Variants in TCF7 observed in about 807,000 individuals in gnomAD.
TCF7 encodes the protein transcription factor 7.
Under a neutral mutation model 46.8 loss-of-function variants are expected in TCF7, and 19 were observed. The observed-to-expected ratio is 0.41, with a 90% CI of 0.28 to 0.60. TCF7 has a LOEUF of 0.60. Among genes scored for constraint, TCF7 ranks in the 20% least tolerant of loss-of-function variants. The pLI is 0.35. For synonymous variants in TCF7, 245 were observed against 213.4 expected, an observed-to-expected ratio of 1.15 and a Z score of -1.29; for missense variants, 547 against 504.6, an observed-to-expected ratio of 1.08 and a Z score of -0.81.
chr5:134,132,333 C>T (rs1758238441), intron 3 of TCF7, among the ~76,000 whole-genome samples: 1 of 152,208 alleles, frequency 6.6e-6, no homozygotes, highest in South Asian at 2.1e-4. Flanking sequence ...TTCTCTAGGC[C>T]TGAAGCATTT....
At chr5:134,143,918 C>T in intron 9 of TCF7, 1 of 426,130 alleles carries the variant, frequency 2.3e-6, no homozygotes. Flanking sequence ...CCTTTGCTAG[C>T]TCCACTCACC....
intron 3 of TCF7, among the ~76,000 whole-genome samples, chr5:134,118,830 G>A (rs372066862): frequency 3.6e-4 from 55 of 152,216 alleles, no homozygotes; most frequent in African/African-American, 1.2e-3. Context: ...TGCCCAGGCT[G>A]GAGTGCAGTG....
At chr5:134,139,929 C>T (rs962748294) in intron 5 of TCF7, 2 of 152,190 alleles carry the variant, frequency 1.3e-5, no homozygotes, top group Non-Finnish European at 2.9e-5. Context: ...AGGATCAAAG[C>T]GTGGCAAGAT....
chr5:134,115,283 T>G (rs1561644611), intron 1 of TCF7, 38 bp from the exon 2 acceptor site: 1 of 1,505,844 alleles, frequency 6.6e-7, no homozygotes. Context: ...ACCCCCGCGG[T>G]CCCACCGCCC....
At chr5:134,138,681 A>G (rs1759272844) in intron 4 of TCF7, 2 of 435,266 alleles carry the variant, frequency 4.6e-6, no homozygotes, top group South Asian at 7.8e-5. Flanking sequence ...AGATGCCCCA[A>G]TGCCTCCATG....
In TCF7 at chr5:134,138,969, C is replaced by A; in HGVS notation, c.566C>A (p.Thr189Asn). ...SQKQVHRPLQ[T>N]PDLSGFYSLT... ...TCTGCAGTTCACAGGCCTCTGCAGACCCCTGACCTCTCTGGCTTCTACTCC... is the reference window on the plus strand; with the variant it reads ...TCTGCAGTTCACAGGCCTCTGCAGAACCCTGACCTCTCTGGCTTCTACTCC... Residue 189 changes from threonine (T) to asparagine (N), a missense_variant, in exon 5 of 10, where the codon ACC becomes AAC. Coordinates refer to ENST00000342854, the MANE Select transcript of TCF7 (RefSeq NM_003202.5). The A allele has an allele frequency of 6.2e-7, 1 of 1,613,948 alleles. No individual in the cohort carries two copies.
rs1241622224 is a variant in TCF7, at chr5:134,116,019, C to T, written c.427C>T (p.Pro143Ser). 2.5e-6 allele frequency: 4 copies of T among 1,612,470 alleles called. No homozygotes were observed. The highest frequency in any genetic ancestry group is 3.4e-6 in the Non-Finnish European group (4 of 1,179,504). Residue 143 changes from proline to serine, a missense_variant, in exon 3 of 10, where the codon CCG becomes TCG. By Grantham distance (74) the Pro-to-Ser change is moderately conservative (BLOSUM62 -1). Transcript: ENST00000342854. ...PPSGAGQHPQ[P>S]QPPLHKANQP... ...CTCGGGAGCAGGGCAGCACCCCCAG[C>T]CGCAGCCCCCGCTGGTAAGTGGACC...
chr5:134,129,539 C>T (rs1757815666), intron 3 of TCF7, among the ~76,000 whole-genome samples: 1 of 152,136 alleles, frequency 6.6e-6, no homozygotes, highest in Non-Finnish European at 1.5e-5. Context: ...GTAGCATCAA[C>T]TAGCAGCTCA....
rs770887816 is a variant in TCF7 at position 134,138,098 on chromosome 5, T to C, written c.481T>C (p.Ser161Pro). 6.2e-7 allele frequency: 1 copy of C among 1,610,638 alleles called. No homozygotes were observed. Among genetic ancestry groups the C allele is most frequent in the Non-Finnish European group, 8.5e-7 (1 of 1,178,578 alleles). The change falls in exon 4 of 10, where the codon TCT becomes CCT. Residue 161 changes from serine to proline, a missense_variant. This residue lies in a region of TCF7 where 425 missense variants were observed against 349.9 expected (regional missense o/e 1.21). Transcript: ENST00000342854. ...NQPPHGVPQL[S>P]LYEHFNSPHP... ...GCCCCCCCACGGTGTCCCCCAACTC[T>C]CTCTCTACGAACATTTCAACAGCCC...
At position 134,148,154 on chromosome 5, in the gene TCF7, T is replaced by TA. The variant is rs1033843452; in HGVS notation, c.*1853dup. On this transcript the variant is annotated 3_prime_UTR_variant, in exon 10 of 10. Coordinates refer to ENST00000342854, the MANE Select transcript of TCF7 (RefSeq NM_003202.5). ...AGTGTTCAAAATATTTTTGTATTGT[T>TA]AATGCATCATCATAGAAAAACTTTT... 2 of 152,630 alleles carry TA rather than the reference T, an allele frequency of 1.3e-5. No individual in the cohort carries two copies. The highest frequency in any genetic ancestry group is 2.9e-5 in the Non-Finnish European group (2 of 68,026). 9.5% of individuals were successfully genotyped at this position (152,630 alleles called of 1,614,324 possible).
chr5:134,111,484 G>T (rs1038644873), upstream of TCF7, among the ~76,000 whole-genome samples: 2 of 152,148 alleles, frequency 1.3e-5, no homozygotes, highest in African/African-American at 4.8e-5. Context: ...TCTATCATCT[G>T]TGTATGTGAT....
At chr5:134,120,342 G>A (rs905853001) in intron 3 of TCF7, among the ~76,000 whole-genome samples, 3 of 152,084 alleles carry the variant, frequency 2.0e-5, no homozygotes, top group African/African-American at 7.2e-5. Flanking sequence ...GCAGCCACAG[G>A]GGGCCTTTAA....
In TCF7 at chr5:134,142,174, C is replaced by T. The variant is rs1257049825; in HGVS notation, c.636-11C>T. ...TTCTTGGCTCAGTGTTAACTTTCTT[C>T]CTGCCTCCAGGTTCACCCACCCATC... On this transcript the variant is annotated splice_polypyrimidine_tract_variant and intron_variant, in intron 5 of 9. Transcript: ENST00000342854. 5 of 1,613,858 alleles carry T rather than the reference C, an allele frequency of 3.1e-6. No homozygotes were observed. The African/African-American group carries it at 4.0e-5, about 13-fold the overall frequency.
upstream of TCF7, among the ~76,000 whole-genome samples, chr5:134,112,988 T>G (rs945417202): frequency 6.6e-6 from 1 of 152,144 alleles, no homozygotes; most frequent in Non-Finnish European, 1.5e-5. Context: ...GTTGGGCAGA[T>G]CCGGATTCCC....
the TCF7 span, among the ~76,000 whole-genome samples, chr5:134,109,415 A>G: frequency 6.6e-6 from 1 of 151,930 alleles, no homozygotes; most frequent in Non-Finnish European, 1.5e-5. Context: ...TGCATTTGTG[A>G]CGCCGCTTGT....
At chr5:134,118,250 C>A in intron 3 of TCF7, among the ~76,000 whole-genome samples, 1 of 152,194 alleles carries the variant, frequency 6.6e-6, no homozygotes, top group East Asian at 1.9e-4. Flanking sequence ...GAAAAACTGC[C>A]TTTGGAAGAT....
At chr5:134,111,453 C>T (rs943128672), upstream of TCF7, among the ~76,000 whole-genome samples, 14 of 152,244 alleles carry the variant, frequency 9.2e-5, no homozygotes, top group African/African-American at 3.4e-4. Flanking sequence ...GCACTCACTA[C>T]CCTGTGGAAG....
chr5:134,126,104 G>T (rs1176614596), intron 3 of TCF7, among the ~76,000 whole-genome samples: 1 of 152,268 alleles, frequency 6.6e-6, no homozygotes, highest in African/African-American at 2.4e-5. Context: ...TGTGGCTGGC[G>T]TGGTGGCCAG....
chr5:134,119,682 C>T (rs115324186), intron 3 of TCF7, among the ~76,000 whole-genome samples: 3,850 of 152,226 alleles, frequency 0.025, 126 homozygotes, highest in African/African-American at 0.078. Context: ...TTGGGGCTCC[C>T]GGCAGGTCCA....
Sources: allele counts gnomAD v4.1 joint callset (sites outside exome capture counted in the v4.1 genomes callset), GRCh38; gene constraint gnomAD v4.1.1; regional missense constraint gnomAD v4.1.1; transcripts MANE v1.5; gene names NCBI Gene and HGNC (gene_info 2026-07-23, HGNC 2026-07-21).